The following PIK3CB variants were observed in gnomAD, a reference collection of about 807,000 sequenced individuals.
PIK3CB encodes the protein phosphatidylinositol-4,5-bisphosphate 3-kinase catalytic subunit beta.
In PIK3CB, 39 loss-of-function variants were observed where a neutral mutation model predicts 136.8. The ratio of observed to expected loss-of-function variants is 0.29; its 90% CI spans 0.22 to 0.37. The LOEUF is 0.37. Ranked by LOEUF, PIK3CB falls within the 10% of genes least tolerant of loss-of-function variation. The pLI is 1.00. For synonymous variants in PIK3CB, 428 were observed against 436.6 expected (o/e 0.98, Z 0.25); for missense variants, 868 against 1,275.4 (o/e 0.68, Z 4.87).
At chr3:138,773,296 CA>C (rs895404570) in intron 2 of PIK3CB, among the ~76,000 whole-genome samples, 29 of 151,624 alleles carry the variant, frequency 1.9e-4, no homozygotes, top group African/African-American at 7.0e-4. Context: ...GAGGCTGAGG[CA>C]GGAGAATCAC....
At chr3:138,734,554 GGAAATATGTGT>G in intron 7 of PIK3CB, 69 bp downstream of exon 7, 3 of 1,051,882 alleles carry the variant, frequency 2.9e-6, no homozygotes, top group Non-Finnish European at 4.1e-6. Flanking sequence ...AGTGAGCAAA[GGAAATATGTGT>G]GAAACTTATG....
chr3:138,716,287 A>G (rs917769572), intron 8 of PIK3CB, among the ~76,000 whole-genome samples: 43 of 152,260 alleles, frequency 2.8e-4, no homozygotes, highest in African/African-American at 1.0e-3. Context: ...CAGCTCCCCA[A>G]GTACTGAGAT....
chr3:138,812,273 T>G (rs1162774795), intron 1 of PIK3CB, among the ~76,000 whole-genome samples: 1 of 151,304 alleles, frequency 6.6e-6, no homozygotes, highest in Non-Finnish European at 1.5e-5. Context: ...AGTCTCGCTG[T>G]CACCCAGGCT....
At chr3:138,736,537 C>T (rs1337495735) in intron 6 of PIK3CB, among the ~76,000 whole-genome samples, 1 of 152,164 alleles carries the variant, frequency 6.6e-6, no homozygotes, top group East Asian at 1.9e-4. Flanking sequence ...TACATAATGA[C>T]TATTTTTTAG....
intron 1 of PIK3CB, chr3:138,797,384 G>A (rs900418454): frequency 2.0e-5 from 3 of 152,064 alleles, no homozygotes; most frequent in East Asian, 1.9e-4. Flanking sequence ...AACTAAGCAC[G>A]GGGACCATCT....
At chr3:138,727,273 C>T (rs948127371) in intron 8 of PIK3CB, among the ~76,000 whole-genome samples, 11 of 152,156 alleles carry the variant, frequency 7.2e-5, no homozygotes, top group South Asian at 2.1e-4. Context: ...ATGGATTAGA[C>T]GCCTGTGATT....
intron 2 of PIK3CB, among the ~76,000 whole-genome samples, chr3:138,761,312 G>A (rs565837819): frequency 7.2e-5 from 11 of 152,330 alleles, no homozygotes; most frequent in Non-Finnish European, 1.2e-4. Context: ...GAAGCAATCA[G>A]CCAAGTAGAG....
At chr3:138,748,788 G>C (rs942136430) in intron 4 of PIK3CB, among the ~76,000 whole-genome samples, 1 of 152,186 alleles carries the variant, frequency 6.6e-6, no homozygotes, top group Admixed American at 6.5e-5. Context: ...TTGGATACTT[G>C]AGATGACTCT....
intron 1 of PIK3CB, among the ~76,000 whole-genome samples, chr3:138,811,553 GT>G (rs1933060241): frequency 6.6e-6 from 1 of 151,156 alleles, no homozygotes; most frequent in African/African-American, 2.4e-5. Flanking sequence ...AGCCTCCTGA[GT>G]AGCTGAGATT....
In PIK3CB at chr3:138,781,745, G is replaced by A. The variant is rs558931163; in HGVS notation, c.-17+14718C>T. Among the ~76,000 whole-genome samples the A allele has an allele frequency of 1.1e-3, 161 of 152,126 alleles. 1 individual carries two copies. Among genetic ancestry groups the A allele is most frequent in the African/African-American group, 3.6e-3 (148 of 41,512 alleles). On this transcript the variant is annotated intron_variant, in intron 2 of 23. Coordinates refer to ENST00000674063, the MANE Select transcript of PIK3CB (RefSeq NM_006219.3). The stretch of plus-strand genomic sequence containing the variant: ...GCTGGGATTACAGGCGTGTGCCACC[G>A]TGCCCGGCCCAAAAAATTTTTTTAA...
chr3:138,796,209 C>G (rs2046106245), intron 2 of PIK3CB, among the ~76,000 whole-genome samples: 1 of 151,766 alleles, frequency 6.6e-6, no homozygotes, highest in Non-Finnish European at 1.5e-5. Flanking sequence ...ATGGTGAAAC[C>G]CCGTCTCTAC....
intron 15 of PIK3CB, among the ~76,000 whole-genome samples, chr3:138,689,296 A>T (rs1160066316): frequency 6.6e-6 from 1 of 152,214 alleles, no homozygotes; most frequent in African/African-American, 2.4e-5. Flanking sequence ...TGCACAAAAA[A>T]TGAGTCCTGG....
At chr3:138,711,913 C>T (rs2108575344) in intron 10 of PIK3CB, among the ~76,000 whole-genome samples, 1 of 151,514 alleles carries the variant, frequency 6.6e-6, no homozygotes, top group South Asian at 2.1e-4. Context: ...GTTTTGAGAC[C>T]AGCCTTGGCA....
At chr3:138,655,888 T>C (rs551219683) in intron 23 of PIK3CB, among the ~76,000 whole-genome samples, 1 of 152,194 alleles carries the variant, frequency 6.6e-6, no homozygotes, top group Non-Finnish European at 1.5e-5. Context: ...CTTTCAGTAA[T>C]GTGAGTAAGA....
chr3:138,825,889 TGTCA>T (rs1933764309), intron 1 of PIK3CB: 8 of 1,548,644 alleles, frequency 5.2e-6, no homozygotes, highest in Non-Finnish European at 7.0e-6. Context: ...AGAATGTGTC[TGTCA>T]AAGATGTTCA....
At chr3:138,774,606 CTGTT>C (rs1426522338) in intron 2 of PIK3CB, among the ~76,000 whole-genome samples, 3 of 152,154 alleles carry the variant, frequency 2.0e-5, no homozygotes, top group African/African-American at 2.4e-5. Context: ...TCAGGAATGA[CTGTT>C]TGTGTAGCAG....
rs1200957022 is a variant in PIK3CB at position 138,654,101 on chromosome 3, T to TA, written c.*1287dup. 5.1e-6 allele frequency: 1 copy of TA among 197,196 alleles called. No homozygotes were observed. The highest frequency in any genetic ancestry group is 1.0e-5 in the Non-Finnish European group (1 of 95,260). 12.2% of individuals were successfully genotyped at this position (197,196 alleles called of 1,614,324 possible). A position where few individuals can be genotyped will look rare whatever the true frequency, so the allele number is the denominator to read the frequency against. ...GACAACAAAATTAAACATTCTTTAATAAAATTCCTATAGAAAGCTCAGTCA... is the reference window on the plus strand; with the variant it reads ...GACAACAAAATTAAACATTCTTTAATAAAAATTCCTATAGAAAGCTCAGTCA... On this transcript the variant is annotated 3_prime_UTR_variant, in exon 24 of 24. Coordinates refer to ENST00000674063, the MANE Select transcript of PIK3CB (RefSeq NM_006219.3).
rs568696547 is a variant in PIK3CB at position 138,799,929 on chromosome 3, T to C, written c.-121-3362A>G. Among the ~76,000 whole-genome samples, 5 of 152,266 alleles carry C rather than the reference T, an allele frequency of 3.3e-5. No individual in the cohort carries two copies. In the East Asian group the frequency reaches 7.7e-4, roughly 24 times the overall value. On this transcript the variant is annotated intron_variant, in intron 1 of 23. Coordinates refer to ENST00000674063, the MANE Select transcript of PIK3CB (RefSeq NM_006219.3). ...CCTGTGCTCAAGAGATCCACCCACTTCAGCCTCTAAAAGTGCTGGGATTAC... is the reference window on the plus strand; with the variant it reads ...CCTGTGCTCAAGAGATCCACCCACTCCAGCCTCTAAAAGTGCTGGGATTAC...
At chr3:138,678,429 T>TA (rs2043694592) in intron 19 of PIK3CB, among the ~76,000 whole-genome samples, 1 of 151,916 alleles carries the variant, frequency 6.6e-6, no homozygotes, top group African/African-American at 2.4e-5. Flanking sequence ...AATGAAAATT[T>TA]AAAACCCCTA....
Sources: gnomAD v4.1 joint callset for allele counts (sites outside exome capture counted in the v4.1 genomes callset) on GRCh38, gnomAD v4.1.1 for gene constraint, MANE v1.5 for transcripts, NCBI Gene and HGNC (gene_info 2026-07-23, HGNC 2026-07-21) for gene names.